The following SATB2 variants were observed in gnomAD, a reference collection of about 807,000 sequenced individuals.
SATB2 encodes the protein SATB homeobox 2, also known as DNA-binding protein SATB2.
A neutral mutation model predicts 73.4 loss-of-function variants in SATB2; 1 was observed. The ratio of observed to expected loss-of-function variants is 0.01; its 90% CI spans 0.00 to 0.06. The LOEUF (loss-of-function observed/expected upper bound fraction) is 0.06, where lower values mean the gene tolerates loss of function less well. SATB2 is among the 10% of genes least tolerant of loss of function. SATB2 has a pLI of 1.00. For synonymous variants in SATB2, 397 were observed against 367.0 expected (o/e 1.08, Z -0.93); for missense variants, 459 against 945.8 (o/e 0.49, Z 6.75).
chr2:199,407,107 G>C (rs983518772), intron 3 of SATB2, among the ~76,000 whole-genome samples: 1 of 151,912 alleles, frequency 6.6e-6, no homozygotes, highest in Admixed American at 6.6e-5. Flanking sequence ...GATCACTTGA[G>C]GTCAGGAGTT....
chr2:199,356,779 T>C (rs1018652159), intron 6 of SATB2, among the ~76,000 whole-genome samples: 2 of 152,144 alleles, frequency 1.3e-5, no homozygotes, highest in Admixed American at 6.5e-5. Flanking sequence ...ATATTTATTA[T>C]AAGAATTTTC....
rs773873672 is a variant in SATB2 at position 199,380,431 on chromosome 2, T to C, written c.530A>G (p.Asn177Ser). Reference sequence around the variant, plus strand: ...CTCTTTGAGCAGTTCCTTTAAGGCATTGCGGACTGTGGCATGGTTCCACTG... The same window carrying C: ...CTCTTTGAGCAGTTCCTTTAAGGCACTGCGGACTGTGGCATGGTTCCACTG... ...AEQWNHATVR[N>S]ALKELLKEMN... is the part of the protein sequence containing the mutation. The change falls in exon 5 of 11, where the codon AAT becomes AGT. Residue 177 changes from asparagine to serine, a missense_variant. Physicochemically the swap from Asn to Ser is conservative, Grantham distance 46 (BLOSUM62 1). This residue lies in a region of SATB2 where 56 missense variants were observed against 183.7 expected (regional missense o/e 0.30). Transcript: ENST00000417098. 1.9e-6 allele frequency: 3 copies of C among 1,613,972 alleles called. No homozygotes were observed. The highest frequency in any genetic ancestry group is 1.7e-6 in the Non-Finnish European group (2 of 1,179,856).
At chr2:199,411,080 A>G (rs1212727052) in intron 3 of SATB2, among the ~76,000 whole-genome samples, 1 of 152,066 alleles carries the variant, frequency 6.6e-6, no homozygotes, top group Non-Finnish European at 1.5e-5. Flanking sequence ...TCTCATTTGG[A>G]CAATACTACT....
intron 3 of SATB2, among the ~76,000 whole-genome samples, chr2:199,424,649 A>G (rs528410294): frequency 1.0e-3 from 153 of 152,316 alleles, no homozygotes; most frequent in African/African-American, 3.5e-3. Context: ...AAATTTCACA[A>G]TTTTGCAAAT....
chr2:199,281,692 ACAATTAATTTTGGCC>A (rs1376682064), intron 10 of SATB2, among the ~76,000 whole-genome samples: 1 of 152,144 alleles, frequency 6.6e-6, no homozygotes, highest in African/African-American at 2.4e-5. Context: ...AGCATTAAGG[ACAATTAATTTTGGCC>A]CAAACATTCA....
chr2:199,370,169 A>G (rs961394078), intron 5 of SATB2, among the ~76,000 whole-genome samples: 10 of 152,000 alleles, frequency 6.6e-5, no homozygotes, highest in Non-Finnish European at 1.5e-5. Flanking sequence ...TAACTAGCTG[A>G]GCTAGCTCCC....
chr2:199,314,871 CT>C (rs1420263613), intron 9 of SATB2, among the ~76,000 whole-genome samples: 1 of 152,100 alleles, frequency 6.6e-6, no homozygotes, highest in East Asian at 1.9e-4. Context: ...ATTAACTCGT[CT>C]TTCTTTTCAT....
intron 7 of SATB2, among the ~76,000 whole-genome samples, chr2:199,340,735 A>C (rs144928781): frequency 1.3e-5 from 2 of 152,278 alleles, no homozygotes; most frequent in East Asian, 3.9e-4. Context: ...TGGTATAGAG[A>C]AGATATGAGG....
intron 2 of SATB2, among the ~76,000 whole-genome samples, chr2:199,451,500 G>T: frequency 6.8e-6 from 1 of 146,632 alleles, no homozygotes; most frequent in South Asian, 2.2e-4. Context: ...TTTCTCTTTT[G>T]AAGTAATGTG....
chr2:199,307,220 A>C (rs1329472591), intron 10 of SATB2, among the ~76,000 whole-genome samples: 3 of 152,182 alleles, frequency 2.0e-5, no homozygotes, highest in African/African-American at 7.2e-5. Context: ...GATATCAAAG[A>C]GTATGTTATG....
intron 6 of SATB2, among the ~76,000 whole-genome samples, chr2:199,350,765 G>T (rs529547124): frequency 1.9e-4 from 29 of 152,164 alleles, no homozygotes; most frequent in Admixed American, 4.6e-4. Context: ...GCTCACACCT[G>T]TAATCCCAGC....
chr2:199,462,358 C>G (rs190693369), upstream of SATB2, among the ~76,000 whole-genome samples: 1 of 152,278 alleles, frequency 6.6e-6, no homozygotes, highest in African/African-American at 2.4e-5. The surrounding 1 kb of genome is among the most constrained non-coding windows in gnomAD (Gnocchi z 5.9). Context: ...GAGTTGGCGA[C>G]CAACACTTTC....
intron 5 of SATB2, among the ~76,000 whole-genome samples, chr2:199,374,385 G>C (rs1363632825): frequency 1.3e-5 from 2 of 152,182 alleles, no homozygotes; most frequent in Non-Finnish European, 2.9e-5. Context: ...ACAGAATAGA[G>C]GCTACCAGGG....
At chr2:199,438,593 A>G (rs1245708597) in intron 2 of SATB2, among the ~76,000 whole-genome samples, 1 of 152,248 alleles carries the variant, frequency 6.6e-6, no homozygotes, top group Admixed American at 6.5e-5. Context: ...AACACTGGCT[A>G]TGAAAGTGAC....
intron 3 of SATB2, among the ~76,000 whole-genome samples, chr2:199,412,164 T>C (rs1448792369): frequency 6.6e-6 from 1 of 152,108 alleles, no homozygotes; most frequent in African/African-American, 2.4e-5. Flanking sequence ...GTGAAGCTAT[T>C]TGAAGCAAAT....
At chr2:199,326,400 G>T (rs1352399448) in intron 8 of SATB2, among the ~76,000 whole-genome samples, 2 of 152,072 alleles carry the variant, frequency 1.3e-5, no homozygotes, top group African/African-American at 4.8e-5. Context: ...GCATCTGTAT[G>T]AATTTTCTAG....
rs1403259761 is a variant in SATB2, at chr2:199,271,958, T to C, written c.*253A>G. On this transcript the variant is annotated 3_prime_UTR_variant, in exon 11 of 11. Coordinates refer to ENST00000417098, the MANE Select transcript of SATB2 (RefSeq NM_001172509.2). ...ATCCAGTCATAGAGACGGGATAAAG[T>C]GTAACGCTTTAGTGTCTTTGCCAAG... The C allele has an allele frequency of 3.5e-5, 19 of 536,500 alleles. No homozygotes were observed. In the South Asian group the frequency reaches 3.9e-4, roughly 11 times the overall value. The allele number at this position is 536,500 out of a possible 1,614,324, so 33.2% of individuals were successfully genotyped here.
At chr2:199,437,500 C>T (rs561564623) in intron 2 of SATB2, among the ~76,000 whole-genome samples, 3 of 152,298 alleles carry the variant, frequency 2.0e-5, no homozygotes, top group Admixed American at 2.0e-4. Flanking sequence ...TTCACAGCAA[C>T]AGCTGTGAGA....
chr2:199,388,209 C>A (rs1690017277), intron 3 of SATB2, among the ~76,000 whole-genome samples: 1 of 152,162 alleles, frequency 6.6e-6, no homozygotes, highest in South Asian at 2.1e-4. Flanking sequence ...ATTCATTCAA[C>A]AACTTTTTTC....
Sources: allele counts gnomAD v4.1 joint callset (sites outside exome capture counted in the v4.1 genomes callset), GRCh38; gene constraint gnomAD v4.1.1; regional missense constraint gnomAD v4.1.1; non-coding constraint Gnocchi (gnomAD v3.1); transcripts MANE v1.5; gene names NCBI Gene and HGNC (gene_info 2026-07-23, HGNC 2026-07-21).